Variants in STKLD1 observed in about 807,000 individuals in gnomAD.
STKLD1 encodes the protein serine/threonine kinase like domain containing 1.
A neutral mutation model predicts 80.4 loss-of-function variants in STKLD1; 79 were observed. That is an observed-to-expected ratio of 0.98 (90% CI 0.82 to 1.19). STKLD1 has a LOEUF of 1.19. Among genes scored for constraint, STKLD1 ranks in the 50% most tolerant of loss-of-function variants. STKLD1 has a pLI of 0.00. For missense variants in STKLD1, 841 were observed against 856.0 expected (o/e 0.98, Z 0.22); for synonymous variants, 393 against 357.6 (o/e 1.10, Z -1.12).
rs782805959 is a variant in STKLD1 at position 133,404,016 on chromosome 9, A to C, written c.1700A>C (p.Tyr567Ser). Residue 567 changes from tyrosine to serine, a missense_variant, in exon 16 of 18, where the codon TAC becomes TCC. Transcript: ENST00000371957. Reference sequence around the variant, plus strand: ...AGAGCCCTGCTGGTGAACAATGCCTACCGGGGACTGGCCAGCCTGGTGAAG... The same window carrying C: ...AGAGCCCTGCTGGTGAACAATGCCTCCCGGGGACTGGCCAGCCTGGTGAAG... Reference protein sequence around the residue: ...QDRALLVNNAYRGLASLVKVS... With the variant: ...QDRALLVNNASRGLASLVKVS... 3 of 1,611,120 alleles carry C rather than the reference A, an allele frequency of 1.9e-6. No homozygotes were observed. The highest frequency in any genetic ancestry group is 2.5e-6 in the Non-Finnish European group (3 of 1,179,038).
rs1838337754 is a variant in STKLD1 at position 133,389,604 on chromosome 9, G to A, written c.467+8G>A. On this transcript the variant is annotated splice_region_variant and intron_variant, in intron 6 of 17. Coordinates refer to ENST00000371957, the MANE Select transcript of STKLD1 (RefSeq NM_153710.5). The surrounding 1 kb of genome is among the most constrained non-coding windows in gnomAD (Gnocchi z 6.4). The stretch of plus-strand genomic sequence containing the variant: ...TTTGGACATCATCCACAGGTAAGTG[G>A]GGCCCCTGACCTCTGCGGACTGGCT... 1.9e-6 allele frequency: 3 copies of A among 1,613,372 alleles called. No homozygotes were observed. The highest frequency in any genetic ancestry group is 2.7e-5 in the African/African-American group (2 of 74,932).
intron 10 of STKLD1, 112 bp downstream of exon 10, chr9:133,397,406 A>ACTGGTCGTG: frequency 7.2e-7 from 1 of 1,394,362 alleles, no homozygotes; most frequent in Non-Finnish European, 9.8e-7. Flanking sequence ...GCCTTGCTCC[A>ACTGGTCGTG]CATGCACGAC....
chr9:133,379,598 T>A (rs945105838), intron 2 of STKLD1, among the ~76,000 whole-genome samples: 6 of 152,202 alleles, frequency 3.9e-5, no homozygotes, highest in African/African-American at 4.8e-5. Context: ...GGATGGGGAC[T>A]GGCTCAAGGT....
intron 9 of STKLD1, 97 bp from the exon 10 acceptor site, chr9:133,397,067 C>T (rs1399355175): frequency 6.4e-6 from 10 of 1,556,344 alleles, no homozygotes; most frequent in Non-Finnish European, 8.7e-6. Context: ...GTGTCCGCAC[C>T]AATGGGCAGC....
chr9:133,402,005 A>G, intron 13 of STKLD1, 127 bp downstream of exon 13: 1 of 1,189,214 alleles, frequency 8.4e-7, no homozygotes, highest in Non-Finnish European at 1.1e-6. Flanking sequence ...CCTGAGATAC[A>G]TGGTGGCATT....
intron 1 of STKLD1, among the ~76,000 whole-genome samples, chr9:133,377,289 C>G (rs984393248): frequency 6.6e-6 from 1 of 152,146 alleles, no homozygotes; most frequent in East Asian, 1.9e-4. Context: ...ATTCGAGATA[C>G]GGCTCCATTT....
intron 1 of STKLD1, among the ~76,000 whole-genome samples, chr9:133,377,736 C>T (rs1341363285): frequency 6.6e-6 from 1 of 151,916 alleles, no homozygotes; most frequent in Non-Finnish European, 1.5e-5. Flanking sequence ...GACAATTTTT[C>T]CACAGATGGA....
At chr9:133,404,683 G>A in intron 16 of STKLD1, 106 bp from the exon 17 acceptor site, 1 of 1,486,798 alleles carries the variant, frequency 6.7e-7, no homozygotes, top group East Asian at 2.3e-5. Flanking sequence ...CTCTTGTCCT[G>A]TCCCAGGCCC....
rs2130276299 is a variant in STKLD1, at chr9:133,385,980, G to A, written c.294+289G>A. ...GTCCCCCAGGCTGGAGTGTAATGGT[G>A]TGATCTTGGCTCACTGCAACCTCTG... On this transcript the variant is annotated intron_variant, in intron 4 of 17. Coordinates refer to ENST00000371957, the MANE Select transcript of STKLD1 (RefSeq NM_153710.5). The surrounding 1 kb of genome is among the most constrained non-coding windows in gnomAD (Gnocchi z 4.9). 5.6e-4 allele frequency among the ~76,000 whole-genome samples: 85 copies of A among 151,710 alleles called. No individual in the cohort carries two copies. Among genetic ancestry groups the A allele is most frequent in the African/African-American group, 2.0e-3 (83 of 41,334 alleles).
intron 2 of STKLD1, among the ~76,000 whole-genome samples, chr9:133,383,234 GTGATGA>G (rs1300907649): frequency 2.0e-5 from 3 of 150,538 alleles, no homozygotes; most frequent in South Asian, 2.1e-4. Context: ...GGTGATGATA[GTGATGA>G]TGGTGATGGT....
Position 133,398,001 on chromosome 9 carries a change from G to A in STKLD1, c.1027G>A (p.Glu343Lys), listed in dbSNP as rs147959001. Residue 343 changes from glutamate to lysine, a missense_variant, in exon 11 of 18, where the codon GAA (glutamate) becomes AAA (lysine). Glu to Lys is a moderately conservative substitution (Grantham distance 56). Coordinates refer to ENST00000371957, the MANE Select transcript of STKLD1 (RefSeq NM_153710.5). ...CATGCAGAAATTCTCTGGCTGGCCC[G>A]AAGTCCAGCTCAGGGCCATGAAGAG... ...EVMQKFSGWP[E>K]VQLRAMKRLL... 2.4e-5 allele frequency: 38 copies of A among 1,613,378 alleles called. No individual in the cohort carries two copies. Among genetic ancestry groups the A allele is most frequent in the East Asian group, 1.8e-4 (8 of 44,888 alleles).
At position 133,404,874 on chromosome 9, in the gene STKLD1, C is replaced by A. The variant is rs587654035; in HGVS notation, c.1818C>A (p.Asp606Glu). 8.7e-6 allele frequency: 14 copies of A among 1,613,140 alleles called. No individual in the cohort carries two copies. ...LIKETYQLHR[D>E]DPEVVENVGM... Reference sequence around the variant, plus strand: ...AGGAGACCTACCAGCTCCACAGGGACGACCCGGAGGTGGTGGAGAACGTGG... The same window carrying A: ...AGGAGACCTACCAGCTCCACAGGGAAGACCCGGAGGTGGTGGAGAACGTGG... The change falls in exon 17 of 18, where the codon GAC becomes GAA. Residue 606 changes from aspartate (D) to glutamate (E), a missense_variant. Transcript: ENST00000371957.
In STKLD1 at chr9:133,390,813, C is replaced by A; in HGVS notation, c.583+17C>A. The A allele has an allele frequency of 6.2e-7, 1 of 1,603,068 alleles. No homozygotes were observed. The highest frequency in any genetic ancestry group is 2.2e-5 in the East Asian group (1 of 44,842). ...CGGAGGAAGGTGGCAGGGGCTCCCC[C>A]AGGTTGTGGGAGAGGGGGTTGGCGC... On this transcript the variant is annotated intron_variant, in intron 7 of 17. Coordinates refer to ENST00000371957, the MANE Select transcript of STKLD1 (RefSeq NM_153710.5). The surrounding 1 kb of genome is among the most constrained non-coding windows in gnomAD (Gnocchi z 5.1).
Position 133,394,453 on chromosome 9 carries a change from C to G in STKLD1, c.702+44C>G. ...CCCACACCCCACATGCTGTTCCCCA[C>G]GCGCCCAGGCCTGGGGAAAAGGCTT... is the stretch of plus-strand genomic sequence containing the variant. On this transcript the variant is annotated intron_variant, in intron 8 of 17. Coordinates refer to ENST00000371957, the MANE Select transcript of STKLD1 (RefSeq NM_153710.5). The surrounding 1 kb of genome is among the most constrained non-coding windows in gnomAD (Gnocchi z 4.9). 7.1e-7 allele frequency: 1 copy of G among 1,414,028 alleles called. No individual in the cohort carries two copies. Among genetic ancestry groups the G allele is most frequent in the East Asian group, 2.3e-5 (1 of 43,888 alleles). The allele number at this position is 1,414,028 out of a possible 1,614,324, so 87.6% of individuals were successfully genotyped here. A position where few individuals can be genotyped will look rare whatever the true frequency, so the allele number is the denominator to read the frequency against.
chr9:133,378,112 A>G (rs1285426119), intron 1 of STKLD1, among the ~76,000 whole-genome samples: 1 of 152,226 alleles, frequency 6.6e-6, no homozygotes, highest in Non-Finnish European at 1.5e-5. Flanking sequence ...GCTTTGCTCC[A>G]CTGCCTGCTG....
At chr9:133,397,611 C>T (rs1838595852) in intron 10 of STKLD1, among the ~76,000 whole-genome samples, 1 of 152,194 alleles carries the variant, frequency 6.6e-6, no homozygotes, top group Admixed American at 6.5e-5. Flanking sequence ...CTGCCCACGC[C>T]TCCCACAACC....
chr9:133,392,615 A>G (rs1423762079), intron 7 of STKLD1, among the ~76,000 whole-genome samples: 2 of 75,452 alleles, frequency 2.7e-5, no homozygotes, highest in African/African-American at 5.2e-5. Context: ...GGATGGATGG[A>G]TGGATGGATG....
chr9:133,382,807 CGAT>C (rs1179966693), intron 2 of STKLD1, among the ~76,000 whole-genome samples: 1 of 86,810 alleles, frequency 1.2e-5, no homozygotes, highest in Non-Finnish European at 2.4e-5. Context: ...ATGATAGTGA[CGAT>C]GGTGACAGTG....
In STKLD1 at chr9:133,401,819, C is replaced by T; in HGVS notation, c.1280C>T (p.Pro427Leu). The T allele has an allele frequency of 6.2e-7, 1 of 1,613,704 alleles. No homozygotes were observed. The highest frequency in any genetic ancestry group is 8.5e-7 in the Non-Finnish European group (1 of 1,180,008). Residue 427 changes from proline to leucine, a missense_variant, in exon 13 of 18, where the codon CCC becomes CTC. Transcript: ENST00000371957. ...CTGCTGAGTGCTCTTCAGAGCCACC[C>T]CGAGGAGGAGCCACTTCTTGTCATG... ...STLLSALQSH[P>L]EEEPLLVMVY...
Sources: gnomAD v4.1 joint callset for allele counts (sites outside exome capture counted in the v4.1 genomes callset) on GRCh38, gnomAD v4.1.1 for gene constraint, Gnocchi (gnomAD v3.1) non-coding constraint, MANE v1.5 for transcripts, NCBI Gene and HGNC (gene_info 2026-07-23, HGNC 2026-07-21) for gene names.